DACH1: variants seen among roughly 807,000 people sequenced by gnomAD.
The protein encoded by DACH1 is dachshund homolog 1.
A neutral mutation model predicts 54.2 loss-of-function variants in DACH1; 12 were observed. The ratio of observed to expected loss-of-function variants is 0.22; its 90% CI spans 0.14 to 0.36. The LOEUF (loss-of-function observed/expected upper bound fraction) is 0.36. Among genes scored for constraint, DACH1 ranks in the 10% least tolerant of loss-of-function variants. The pLI, the probability that DACH1 is intolerant of heterozygous loss-of-function variation, is 1.00. For synonymous variants in DACH1, 386 were observed against 366.2 expected (o/e 1.05, Z -0.62); for missense variants, 805 against 929.8 (o/e 0.87, Z 1.75).
chr13:71,672,491 A>C (rs1880263302), intron 2 of DACH1, among the ~76,000 whole-genome samples: 1 of 152,196 alleles, frequency 6.6e-6, no homozygotes, highest in African/African-American at 2.4e-5. Context: ...AATAAAAAGA[A>C]GTTCCAACAT....
Position 71,748,964 on chromosome 13 carries a change from C to CTTTCTT in DACH1, c.849-67055_849-67054insAAGAAA, listed in dbSNP as rs1310558749. Among the ~76,000 whole-genome samples, 204 of 25,524 alleles carry CTTTCTT rather than the reference C, an allele frequency of 8.0e-3. 9 individuals are homozygous for CTTTCTT. The highest frequency in any genetic ancestry group is 0.014 in the African/African-American group (165 of 12,000). The allele number at this position is 25,524 out of a possible 152,430, so 16.7% of individuals were successfully genotyped here. On this transcript the variant is annotated intron_variant, in intron 1 of 10. Coordinates refer to ENST00000613252, the MANE Select transcript of DACH1 (RefSeq NM_080759.6). The stretch of plus-strand genomic sequence containing the variant: ...TCTTTCTTTCTTTCTCTCTTTCTTT[C>CTTTCTT]TCTCTCTCTCTTTCTTCTTTCCTTT...
At chr13:71,454,009 G>A (rs540691045) in intron 10 of DACH1, among the ~76,000 whole-genome samples, 1 of 152,114 alleles carries the variant, frequency 6.6e-6, no homozygotes, top group South Asian at 2.1e-4. Context: ...ACACAGAAGA[G>A]ATAAGTTCAA....
intron 1 of DACH1, among the ~76,000 whole-genome samples, chr13:71,798,993 C>T (rs1271865019): frequency 6.6e-6 from 1 of 152,082 alleles, no homozygotes; most frequent in Non-Finnish European, 1.5e-5. Context: ...TTTATACACA[C>T]TTAATTGATC....
chr13:71,465,172 T>C (rs17088288), intron 10 of DACH1, among the ~76,000 whole-genome samples: 1,987 of 152,218 alleles, frequency 0.013, 44 homozygotes, highest in African/African-American at 0.045. Flanking sequence ...AGAATTTATA[T>C]CAAAGAGTTT....
At chr13:71,738,859 AT>A (rs1884260891) in intron 1 of DACH1, among the ~76,000 whole-genome samples, 1 of 151,616 alleles carries the variant, frequency 6.6e-6, no homozygotes, top group African/African-American at 2.4e-5. Flanking sequence ...GGTTACTTTA[AT>A]GGGGAATTGA....
chr13:71,559,940 T>C lies in DACH1; in HGVS notation c.1315A>G (p.Ser439Gly). The C allele has an allele frequency of 6.3e-7, 1 of 1,586,008 alleles. No individual in the cohort carries two copies. The highest frequency in any genetic ancestry group is 8.6e-7 in the Non-Finnish European group (1 of 1,167,098). Residue 439 changes from serine (S) to glycine (G), a missense_variant, in exon 5 of 11, where the codon AGC becomes GGC. This residue lies in a region of DACH1 where 472 missense variants were observed against 545.3 expected (regional missense o/e 0.87). Transcript: ENST00000613252. ...TCCAGAGAGGGGGCAGGTGAGGGGC[T>C]ATCAGGAACACGCTCCTGCACCAGC... is the stretch of plus-strand genomic sequence containing the variant. ...TSVIKERVPDSPSPAPSLEEG... is the reference protein window; with the variant it reads ...TSVIKERVPDGPSPAPSLEEG...
chr13:71,801,346 T>C (rs566435175), intron 1 of DACH1, among the ~76,000 whole-genome samples: 1 of 152,250 alleles, frequency 6.6e-6, no homozygotes, highest in African/African-American at 2.4e-5. Context: ...TGCTTGTAGA[T>C]TGACAAGCAA....
chr13:71,793,572 G>C (rs1260714996), intron 1 of DACH1, among the ~76,000 whole-genome samples: 1 of 152,072 alleles, frequency 6.6e-6, no homozygotes, highest in Non-Finnish European at 1.5e-5. Flanking sequence ...GTTTTGCTCT[G>C]TTGCCCAGGC....
intron 8 of DACH1, among the ~76,000 whole-genome samples, chr13:71,477,431 A>AT (rs1365395406): frequency 1.3e-5 from 2 of 151,812 alleles, no homozygotes; most frequent in Non-Finnish European, 2.9e-5. Flanking sequence ...TATTATTAAT[A>AT]TTTTTAAGAT....
chr13:71,714,426 G>T (rs60343750), intron 1 of DACH1, among the ~76,000 whole-genome samples: 25,447 of 151,986 alleles, frequency 0.17, 4,779 homozygotes, highest in African/African-American at 0.46. Flanking sequence ...AAAATAGTAA[G>T]AATCCTTTTC....
At chr13:71,818,734 AG>A in intron 1 of DACH1, among the ~76,000 whole-genome samples, 1 of 152,228 alleles carries the variant, frequency 6.6e-6, no homozygotes, top group East Asian at 1.9e-4. Flanking sequence ...ACAAACAAAA[AG>A]GTAAAGTAAA....
At chr13:71,607,541 T>A (rs1248846485) in intron 3 of DACH1, among the ~76,000 whole-genome samples, 1 of 152,046 alleles carries the variant, frequency 6.6e-6, no homozygotes, top group Non-Finnish European at 1.5e-5. Flanking sequence ...CCTCTAATCA[T>A]CAGCAAATGT....
intron 1 of DACH1, among the ~76,000 whole-genome samples, chr13:71,749,031 C>T (rs1884804108): frequency 6.6e-6 from 1 of 151,110 alleles, no homozygotes; most frequent in Non-Finnish European, 1.5e-5. Context: ...GTCACCCAGG[C>T]TGGAATACAG....
At chr13:71,701,585 T>G (rs1435917055) in intron 1 of DACH1, among the ~76,000 whole-genome samples, 2 of 151,894 alleles carry the variant, frequency 1.3e-5, no homozygotes, top group African/African-American at 4.8e-5. Flanking sequence ...AAAAGGGGGA[T>G]TGATAGGAGG....
chr13:71,652,171 C>T (rs1446271232), intron 2 of DACH1, among the ~76,000 whole-genome samples: 4 of 152,134 alleles, frequency 2.6e-5, no homozygotes, highest in African/African-American at 7.2e-5. Flanking sequence ...CCAAGCCACA[C>T]GAATGGAACA....
intron 3 of DACH1, among the ~76,000 whole-genome samples, chr13:71,579,238 T>C (rs1885716959): frequency 6.6e-6 from 1 of 152,144 alleles, no homozygotes; most frequent in African/African-American, 2.4e-5. Flanking sequence ...CTTGGACTCA[T>C]CAAAACTTTG....
At chr13:71,705,840 T>C (rs1271830989) in intron 1 of DACH1, among the ~76,000 whole-genome samples, 5 of 152,020 alleles carry the variant, frequency 3.3e-5, no homozygotes, top group African/African-American at 7.2e-5. Context: ...GTAATTATCA[T>C]ATGGTTCATA....
At chr13:71,815,860 C>T (rs1183237887) in intron 1 of DACH1, among the ~76,000 whole-genome samples, 3 of 151,954 alleles carry the variant, frequency 2.0e-5, no homozygotes, top group African/African-American at 7.2e-5. Flanking sequence ...CCGAGGCGGG[C>T]GGATCACGAG....
chr13:71,779,525 G>A (rs1484928654), intron 1 of DACH1, among the ~76,000 whole-genome samples: 1 of 151,688 alleles, frequency 6.6e-6, no homozygotes, highest in Admixed American at 6.6e-5. Context: ...CCAACTTTTT[G>A]CTTGTAAAAA....
Sources: allele counts gnomAD v4.1 joint callset (sites outside exome capture counted in the v4.1 genomes callset), GRCh38; gene constraint gnomAD v4.1.1; regional missense constraint gnomAD v4.1.1; transcripts MANE v1.5; gene names NCBI Gene and HGNC (gene_info 2026-07-23, HGNC 2026-07-21).